Variants in FREM3 observed in about 807,000 individuals in gnomAD.
The protein encoded by FREM3 is FRAS1 related extracellular matrix 3.
FREM3 carries 105 observed loss-of-function variants against 129.1 expected under a neutral mutation model. That is an observed-to-expected ratio of 0.81 (90% CI 0.69 to 0.96). FREM3 has a LOEUF of 0.96. Ranked by LOEUF, FREM3 falls within the 40% of genes least tolerant of loss-of-function variation. FREM3 has a pLI of 0.00. For synonymous variants in FREM3, 1,014 were observed against 1,044.9 expected (o/e 0.97, Z 0.57); for missense variants, 2,593 against 2,666.3 (o/e 0.97, Z 0.61).
intron 5 of FREM3, among the ~76,000 whole-genome samples, chr4:143,618,892 T>A (rs148111931): frequency 9.0e-4 from 137 of 152,092 alleles, no homozygotes; most frequent in African/African-American, 3.3e-3. Flanking sequence ...TGAAACCCTG[T>A]CTCAAAATCC....
chr4:143,647,876 A>G (rs12108393), intron 2 of FREM3, among the ~76,000 whole-genome samples: 20,914 of 152,136 alleles, frequency 0.14, 1,784 homozygotes, highest in African/African-American at 0.24. Flanking sequence ...GCCTGATTAA[A>G]CGGTGAGAAG....
At chr4:143,624,075 G>T in intron 4 of FREM3, 33 bp downstream of exon 4, 1 of 1,275,290 alleles carries the variant, frequency 7.8e-7, no homozygotes, top group South Asian at 1.3e-5. Context: ...AACCTGTACT[G>T]GTTAATAAAG....
rs1310572272 is a variant in FREM3 at position 143,697,562 on chromosome 4, G to C, written c.3114C>G (p.Ile1038Met). The C allele has an allele frequency of 6.5e-7, 1 of 1,537,436 alleles. No individual in the cohort carries two copies. The change falls in exon 1 of 8, where the codon ATC becomes ATG. Residue 1038 changes from isoleucine to methionine, a missense_variant. Transcript: ENST00000329798. Reference sequence around the variant, plus strand: ...CCCATTGGTAAGAATCTTTGGAGAGGATGAGGCTGAAGGCATCGTGCTGCT... The same window carrying C: ...CCCATTGGTAAGAATCTTTGGAGAGCATGAGGCTGAAGGCATCGTGCTGCT... The part of the protein sequence containing the change: ...FQKQHDAFSL[I>M]LSKDSYQWVV...
At chr4:143,619,873 T>C (rs1447488275) in intron 5 of FREM3, among the ~76,000 whole-genome samples, 1 of 151,818 alleles carries the variant, frequency 6.6e-6, no homozygotes, top group African/African-American at 2.4e-5. Flanking sequence ...GGGGGTATTA[T>C]TTAAAAAAAA....
chr4:143,637,701 G>A (rs1236669512), intron 2 of FREM3, among the ~76,000 whole-genome samples: 5 of 151,986 alleles, frequency 3.3e-5, no homozygotes, highest in South Asian at 2.1e-4. Flanking sequence ...TTGTGCAACC[G>A]TACAAAATAA....
intron 6 of FREM3, among the ~76,000 whole-genome samples, chr4:143,589,107 T>C (rs1429116209): frequency 2.0e-5 from 3 of 152,176 alleles, no homozygotes; most frequent in Non-Finnish European, 4.4e-5. Flanking sequence ...TTCTTGTAAA[T>C]TTGTTTGAGT....
At chr4:143,635,799 C>A (rs1739223628) in intron 2 of FREM3, among the ~76,000 whole-genome samples, 1 of 152,166 alleles carries the variant, frequency 6.6e-6, no homozygotes, top group Non-Finnish European at 1.5e-5. Flanking sequence ...CAAGGAAAAT[C>A]ATAATATAAA....
At chr4:143,692,382 G>A (rs760254537) in intron 2 of FREM3, among the ~76,000 whole-genome samples, 1 of 152,120 alleles carries the variant, frequency 6.6e-6, no homozygotes, top group African/African-American at 2.4e-5. Context: ...GAAAATGCAG[G>A]TTACTTACTG....
chr4:143,652,004 T>C (rs1270196799), intron 2 of FREM3, among the ~76,000 whole-genome samples: 2 of 152,202 alleles, frequency 1.3e-5, no homozygotes, highest in East Asian at 3.8e-4. Context: ...TCTGCACAAG[T>C]CCCTAGCTGT....
intron 2 of FREM3, among the ~76,000 whole-genome samples, 177 bp from the exon 3 acceptor site, chr4:143,627,937 G>A (rs1206102026): frequency 1.3e-5 from 2 of 152,148 alleles, no homozygotes; most frequent in East Asian, 3.9e-4. Flanking sequence ...GATGTCATGA[G>A]TGGCATCTTA....
At position 143,621,009 on chromosome 4, in the gene FREM3, A is replaced by G. The variant is rs1560847455; in HGVS notation, c.5779+28T>C. On this transcript the variant is annotated intron_variant, in intron 5 of 7. Transcript: ENST00000329798. ...GTCTTGTTCTCATCATCTTATTCCT[A>G]TGAACAGGACCCCACAGAGCCTCAT... The G allele has an allele frequency of 2.6e-6, 4 of 1,535,144 alleles. No individual in the cohort carries two copies. In the African/African-American group the frequency reaches 4.1e-5, roughly 16 times the overall value.
chr4:143,643,596 T>C (rs946499662), intron 2 of FREM3, among the ~76,000 whole-genome samples: 2 of 151,370 alleles, frequency 1.3e-5, no homozygotes, highest in Middle Eastern at 3.2e-3. Context: ...ACTTGTGGGA[T>C]TTTTTTTTAA....
chr4:143,611,241 G>T, intron 6 of FREM3, 38 bp downstream of exon 6: 1 of 1,513,994 alleles, frequency 6.6e-7, no homozygotes, highest in Non-Finnish European at 8.8e-7. Context: ...TGAGAAGGCA[G>T]CTATTGCCAA....
chr4:143,631,984 C>A (rs1158601430), intron 2 of FREM3, among the ~76,000 whole-genome samples: 1 of 152,084 alleles, frequency 6.6e-6, no homozygotes, highest in Admixed American at 6.6e-5. Context: ...ATTTCAGGCA[C>A]CCTTTCAGTT....
chr4:143,695,479 A>G lies in FREM3; in HGVS notation c.5185+12T>C, dbSNP rs370504761. The G allele has an allele frequency of 7.8e-6, 12 of 1,529,354 alleles. No individual in the cohort carries two copies. In the African/African-American group the frequency reaches 1.5e-4, roughly 19 times the overall value. 94.7% of individuals were successfully genotyped at this position (1,529,354 alleles called of 1,614,324 possible). On this transcript the variant is annotated intron_variant, in intron 1 of 7. Coordinates refer to ENST00000329798, the MANE Select transcript of FREM3 (RefSeq NM_001168235.2). ...AGAGGGACAGAATAGGCAGGGAAGA[A>G]TACATACTAACCTTGTGTAAACACT...
intron 2 of FREM3, among the ~76,000 whole-genome samples, chr4:143,682,936 A>C (rs916627381): frequency 6.6e-6 from 1 of 152,150 alleles, no homozygotes; most frequent in Non-Finnish European, 1.5e-5. Context: ...ACTATGCTGG[A>C]TTATCTGGGT....
intron 2 of FREM3, among the ~76,000 whole-genome samples, chr4:143,667,839 T>C (rs752382597): frequency 2.0e-5 from 3 of 152,178 alleles, no homozygotes; most frequent in Non-Finnish European, 2.9e-5. Context: ...TTCCCTCTCT[T>C]TAGTAGGATT....
At chr4:143,662,420 A>C (rs1222256497) in intron 2 of FREM3, among the ~76,000 whole-genome samples, 1 of 152,122 alleles carries the variant, frequency 6.6e-6, no homozygotes, top group African/African-American at 2.4e-5. Context: ...CTTAATCCTG[A>C]GTAGTAGTTT....
chr4:143,611,157 G>A, intron 6 of FREM3, 122 bp downstream of exon 6: 3 of 1,106,546 alleles, frequency 2.7e-6, no homozygotes, highest in Non-Finnish European at 2.5e-6. Flanking sequence ...AGTTTTTGGA[G>A]ATAAAAGAAC....
Sources: gnomAD v4.1 joint callset for allele counts (sites outside exome capture counted in the v4.1 genomes callset) on GRCh38, gnomAD v4.1.1 for gene constraint, MANE v1.5 for transcripts, NCBI Gene and HGNC (gene_info 2026-07-23, HGNC 2026-07-21) for gene names.